PTPRD: variants seen among roughly 807,000 people sequenced by gnomAD.
The protein encoded by PTPRD is receptor-type tyrosine-protein phosphatase delta.
PTPRD carries 34 observed loss-of-function variants against 214.5 expected under a neutral mutation model. The observed-to-expected ratio is 0.16, with a 90% CI of 0.12 to 0.21. The LOEUF (loss-of-function observed/expected upper bound fraction) is 0.21. Ranked by LOEUF, PTPRD falls within the 10% of genes least tolerant of loss-of-function variation. The pLI, the probability that PTPRD is intolerant of heterozygous loss-of-function variation, is 1.00. For missense variants in PTPRD, 2,545 were observed against 2,398.7 expected, an observed-to-expected ratio of 1.06 and a Z score of -1.27; for synonymous variants, 1,128 against 845.7, an observed-to-expected ratio of 1.33 and a Z score of -5.79.
intron 7 of PTPRD, among the ~76,000 whole-genome samples, chr9:9,723,668 C>T (rs2098014377): frequency 6.6e-6 from 1 of 151,984 alleles, no homozygotes. Flanking sequence ...TATATTTTTT[C>T]CATTCATGTA....
chr9:10,438,974 T>G (rs1303631803), intron 2 of PTPRD, among the ~76,000 whole-genome samples: 1 of 151,734 alleles, frequency 6.6e-6, no homozygotes, highest in Non-Finnish European at 1.5e-5. Flanking sequence ...ACGCTTTTTG[T>G]TGTCCCCTGT....
intron 11 of PTPRD, among the ~76,000 whole-genome samples, chr9:8,922,360 A>G (rs1403476237): frequency 6.6e-6 from 1 of 152,194 alleles, no homozygotes; most frequent in Non-Finnish European, 1.5e-5. Flanking sequence ...GGCATTTTTT[A>G]TGCCAAATAT....
At chr9:10,394,453 G>A (rs540890929) in intron 2 of PTPRD, among the ~76,000 whole-genome samples, 1 of 151,712 alleles carries the variant, frequency 6.6e-6, no homozygotes, top group African/African-American at 2.4e-5. Flanking sequence ...CTATCACTTA[G>A]TAGCAGTATG....
At chr9:9,972,437 C>G (rs1480248604) in intron 4 of PTPRD, among the ~76,000 whole-genome samples, 1 of 152,102 alleles carries the variant, frequency 6.6e-6, no homozygotes, top group Non-Finnish European at 1.5e-5. Context: ...ACTGCTATTC[C>G]CACATTACTC....
chr9:8,356,803 C>G (rs1564228812), intron 39 of PTPRD, among the ~76,000 whole-genome samples: 1 of 152,014 alleles, frequency 6.6e-6, no homozygotes, highest in African/African-American at 2.4e-5. Flanking sequence ...AACCAATTAA[C>G]TAAATACGTG....
chr9:9,064,241 G>C (rs2099718829), intron 10 of PTPRD, among the ~76,000 whole-genome samples: 1 of 152,098 alleles, frequency 6.6e-6, no homozygotes, highest in Admixed American at 6.6e-5. Flanking sequence ...TATTGTGTGT[G>C]TCTATTTTTA....
intron 19 of PTPRD, among the ~76,000 whole-genome samples, chr9:8,522,854 T>A (rs916774436): frequency 1.3e-5 from 2 of 152,168 alleles, no homozygotes; most frequent in African/African-American, 4.8e-5. Context: ...TTTTAAAAAT[T>A]ATAAATAAAC....
At chr9:8,791,909 T>A (rs1216405218) in intron 11 of PTPRD, among the ~76,000 whole-genome samples, 1 of 152,104 alleles carries the variant, frequency 6.6e-6, no homozygotes, top group Non-Finnish European at 1.5e-5. Flanking sequence ...ATGACTGCAA[T>A]GGACAGCCAG....
At chr9:10,000,937 C>G (rs2096293431) in intron 4 of PTPRD, among the ~76,000 whole-genome samples, 1 of 152,146 alleles carries the variant, frequency 6.6e-6, no homozygotes, top group South Asian at 2.1e-4. Context: ...CACACCTGGT[C>G]AAACCAATCC....
chr9:9,258,131 T>G (rs560392380), intron 9 of PTPRD, among the ~76,000 whole-genome samples: 1 of 148,536 alleles, frequency 6.7e-6, no homozygotes, highest in Non-Finnish European at 1.5e-5. Context: ...ATAAACTGCA[T>G]CAGGCTTCTA....
chr9:9,695,185 C>T (rs1355019235), intron 7 of PTPRD, among the ~76,000 whole-genome samples: 2 of 152,094 alleles, frequency 1.3e-5, no homozygotes, highest in East Asian at 3.9e-4. Context: ...TGAATCTTGC[C>T]AGGACTGGGT....
At chr9:8,736,907 C>T (rs2090568401) in intron 11 of PTPRD, among the ~76,000 whole-genome samples, 1 of 152,184 alleles carries the variant, frequency 6.6e-6, no homozygotes, top group Non-Finnish European at 1.5e-5. Flanking sequence ...TCAGCTCTCC[C>T]CTCCCCATTC....
chr9:9,492,248 T>G (rs1333727587), intron 8 of PTPRD, among the ~76,000 whole-genome samples: 1 of 115,316 alleles, frequency 8.7e-6, no homozygotes, highest in African/African-American at 3.2e-5. Flanking sequence ...GTATCAATAA[T>G]AAAAAAAAAA....
At chr9:10,131,455 T>C (rs865927202) in intron 3 of PTPRD, among the ~76,000 whole-genome samples, 3 of 152,146 alleles carry the variant, frequency 2.0e-5, no homozygotes, top group Non-Finnish European at 2.9e-5. Context: ...TTTTCAGTCT[T>C]TGAAGTATGT....
At chr9:9,269,194 T>C (rs566117038) in intron 9 of PTPRD, among the ~76,000 whole-genome samples, 5 of 151,290 alleles carry the variant, frequency 3.3e-5, no homozygotes, top group Admixed American at 2.0e-4. Context: ...ATTTAAAAAA[T>C]TATCAAAGAA....
intron 5 of PTPRD, among the ~76,000 whole-genome samples, chr9:9,915,637 A>T (rs1322326176): frequency 2.0e-5 from 3 of 151,908 alleles, no homozygotes; most frequent in Non-Finnish European, 4.4e-5. Flanking sequence ...CACCAAGCAG[A>T]AGAAACAAAT....
At position 10,602,023 on chromosome 9, in the gene PTPRD, C is replaced by T. The variant is rs1367119751; in HGVS notation, c.-600+10375G>A. Among the ~76,000 whole-genome samples, 10 of 151,866 alleles carry T rather than the reference C, an allele frequency of 6.6e-5. No individual in the cohort carries two copies. In the East Asian group the frequency reaches 1.9e-3, roughly 30 times the overall value. On this transcript the variant is annotated intron_variant, in intron 2 of 45. Transcript: ENST00000381196. ...ACCTGAAAGGAAGAGATTTGGTGCT[C>T]ATGAAATAAATGTCACAAAACAACT...
At chr9:10,557,856 T>C (rs1488583402) in intron 2 of PTPRD, among the ~76,000 whole-genome samples, 1 of 152,160 alleles carries the variant, frequency 6.6e-6, no homozygotes, top group Non-Finnish European at 1.5e-5. Flanking sequence ...TATGTCACGT[T>C]CTAAGAAGCA....
chr9:8,933,340 G>GTTTTTTTTTTTTTTTTATTTT (rs2098966855), intron 11 of PTPRD, among the ~76,000 whole-genome samples: 1 of 80,430 alleles, frequency 1.2e-5, no homozygotes, highest in Non-Finnish European at 2.3e-5. Flanking sequence ...CAACCTTGAG[G>GTTTTTTTTTTTTTTTTATTTT]TTTTTTTTTT....
Sources: gnomAD v4.1 joint callset for allele counts (sites outside exome capture counted in the v4.1 genomes callset) on GRCh38, gnomAD v4.1.1 for gene constraint, MANE v1.5 for transcripts, NCBI Gene and HGNC (gene_info 2026-07-23, HGNC 2026-07-21) for gene names.